Variants in VEGFC observed in about 807,000 individuals in gnomAD.
VEGFC encodes FLT4 ligand DHM.
In VEGFC, 12 loss-of-function variants were observed where a neutral mutation model predicts 46.1. That is an observed-to-expected ratio of 0.26 (90% CI 0.17 to 0.42). The LOEUF is 0.42. Ranked by LOEUF, VEGFC falls within the 10% of genes least tolerant of loss-of-function variation. The pLI, the probability that VEGFC is intolerant of heterozygous loss-of-function variation, is 1.00. For synonymous variants in VEGFC, 232 were observed against 195.5 expected, an observed-to-expected ratio of 1.19 and a Z score of -1.56; for missense variants, 488 against 529.4, an observed-to-expected ratio of 0.92 and a Z score of 0.77.
intron 4 of VEGFC, among the ~76,000 whole-genome samples, chr4:176,692,868 C>G (rs1734230940): frequency 6.8e-6 from 1 of 146,624 alleles, no homozygotes; most frequent in South Asian, 2.1e-4. Context: ...CAGGGGCACA[C>G]TGACACCTCA....
At chr4:176,786,282 C>T (rs1407762962) in intron 1 of VEGFC, among the ~76,000 whole-genome samples, 4 of 152,226 alleles carry the variant, frequency 2.6e-5, no homozygotes, top group Admixed American at 2.6e-4. Context: ...TTGGTTTTCA[C>T]ACTTCCCACC....
intron 3 of VEGFC, among the ~76,000 whole-genome samples, chr4:176,727,563 G>T (rs889092825): frequency 6.6e-6 from 1 of 152,106 alleles, no homozygotes; most frequent in African/African-American, 2.4e-5. Flanking sequence ...TGAAGAGTTT[G>T]CAAAGTAATA....
chr4:176,709,785 C>T (rs1447001924), intron 4 of VEGFC, among the ~76,000 whole-genome samples: 1 of 152,112 alleles, frequency 6.6e-6, no homozygotes, highest in Non-Finnish European at 1.5e-5. Context: ...TGAAACGATG[C>T]CTTTTAAAGC....
intron 4 of VEGFC, among the ~76,000 whole-genome samples, chr4:176,694,440 T>C (rs962437947): frequency 3.9e-5 from 6 of 151,964 alleles, no homozygotes; most frequent in Non-Finnish European, 5.9e-5. Flanking sequence ...CTATCCTAAA[T>C]ATATATGCAC....
intron 1 of VEGFC, among the ~76,000 whole-genome samples, chr4:176,740,388 CTA>C (rs1319226397): frequency 8.8e-6 from 1 of 114,108 alleles, no homozygotes; most frequent in Non-Finnish European, 1.7e-5. Context: ...TTATATATAA[CTA>C]TATATTTATA....
At chr4:176,776,669 C>A (rs1394177888) in intron 1 of VEGFC, among the ~76,000 whole-genome samples, 1 of 152,192 alleles carries the variant, frequency 6.6e-6, no homozygotes, top group Non-Finnish European at 1.5e-5. Context: ...TCATCACATC[C>A]TGATACTGAC....
At chr4:176,751,723 G>A (rs551651217) in intron 1 of VEGFC, among the ~76,000 whole-genome samples, 3 of 151,932 alleles carry the variant, frequency 2.0e-5, no homozygotes, top group Non-Finnish European at 4.4e-5. Flanking sequence ...TCAATGATAT[G>A]TGTAAACGTA....
At position 176,788,465 on chromosome 4, in the gene VEGFC, C is replaced by T. The variant is rs1374367283; in HGVS notation, c.147+3700G>A. On this transcript the variant is annotated intron_variant, in intron 1 of 6. Coordinates refer to ENST00000618562, the MANE Select transcript of VEGFC (RefSeq NM_005429.5). ...GCTGAAAGGAGTCTGAATCACAGGC[C>T]CAAAGGCCCAAACCCATTACCACAT... is the stretch of plus-strand genomic sequence containing the variant. Among the ~76,000 whole-genome samples, 24 of 152,148 alleles carry T rather than the reference C, an allele frequency of 1.6e-4. 1 individual carries two copies. Among genetic ancestry groups the T allele is most frequent in the Non-Finnish European group, 1.5e-5 (1 of 68,030 alleles).
At chr4:176,750,854 CA>C (rs1449885573) in intron 1 of VEGFC, among the ~76,000 whole-genome samples, 1 of 151,446 alleles carries the variant, frequency 6.6e-6, no homozygotes, top group Non-Finnish European at 1.5e-5. Flanking sequence ...ATAGATACTG[CA>C]AAAACTTTCT....
chr4:176,760,792 TC>T (rs1735515623), intron 1 of VEGFC, among the ~76,000 whole-genome samples: 2 of 152,198 alleles, frequency 1.3e-5, no homozygotes, highest in Admixed American at 1.3e-4. Flanking sequence ...ATATGCTGAC[TC>T]CAAAACAATG....
At position 176,687,387 on chromosome 4, in the gene VEGFC, G is replaced by A. The variant is rs985631564; in HGVS notation, c.945C>T (p.Cys315=). 1 of 1,614,150 alleles carries A rather than the reference G, an allele frequency of 6.2e-7. No homozygotes were observed. Residue 315 remains cysteine (C), a synonymous_variant, in exon 6 of 7, where the codon TGC becomes TGT. Transcript: ENST00000618562. ...GPHKELDRNS[C]QCVCKNKLFP... is the part of the protein sequence containing the mutation. Reference sequence around the variant, plus strand: ...AGAGTTTGTTTTTACAGACACACTGGCATGAGTTTCTGTCTAGTTCTTTGT... The same window carrying A: ...AGAGTTTGTTTTTACAGACACACTGACATGAGTTTCTGTCTAGTTCTTTGT...
chr4:176,710,482 T>C (rs929868998), intron 4 of VEGFC, among the ~76,000 whole-genome samples: 2 of 152,190 alleles, frequency 1.3e-5, no homozygotes, highest in Non-Finnish European at 2.9e-5. Flanking sequence ...AAACTGTCCC[T>C]GGACAAACAA....
rs1266184437 is a variant in VEGFC at position 176,695,111 on chromosome 4, G to A, written c.705-7184C>T. ...AAACACATTCAAAAGCTAGCAGAAG[G>A]CAAGAAATAACTAAAATCAGAGCAG... On this transcript the variant is annotated intron_variant, in intron 4 of 6. Coordinates refer to ENST00000618562, the MANE Select transcript of VEGFC (RefSeq NM_005429.5). Among the ~76,000 whole-genome samples the A allele has an allele frequency of 4.1e-5, 6 of 145,408 alleles. No individual in the cohort carries two copies. In the East Asian group the frequency reaches 1.2e-3, roughly 30 times the overall value.
chr4:176,756,344 T>C (rs1735432474), intron 1 of VEGFC, among the ~76,000 whole-genome samples: 3 of 151,886 alleles, frequency 2.0e-5, no homozygotes, highest in African/African-American at 7.3e-5. Context: ...TAGAATCAAT[T>C]AAGGAATAAA....
chr4:176,706,953 G>A (rs747750521), intron 4 of VEGFC, among the ~76,000 whole-genome samples: 11 of 152,050 alleles, frequency 7.2e-5, no homozygotes, highest in African/African-American at 2.4e-4. Flanking sequence ...GTACATTTGC[G>A]TCTTTTAAGG....
chr4:176,792,428 G>GC lies in VEGFC; in HGVS notation c.-118_-117insG, dbSNP rs1736116923. 2 of 814,900 alleles carry GC rather than the reference G, an allele frequency of 2.5e-6. No individual in the cohort carries two copies. Among genetic ancestry groups the GC allele is most frequent in the Non-Finnish European group, 1.7e-6 (1 of 580,622 alleles). 50.5% of individuals were successfully genotyped at this position (814,900 alleles called of 1,614,324 possible). ...CCCTCTCCCCCGGGCTCCTCCCGGC[G>GC]ACCCCCCCTGGGCGAGCCGGAGGCG... On this transcript the variant is annotated 5_prime_UTR_variant, in exon 1 of 7. Coordinates refer to ENST00000618562, the MANE Select transcript of VEGFC (RefSeq NM_005429.5). This position sits in a 1 kb window ranked among gnomAD's most constrained non-coding sequence, Gnocchi z 6.3.
chr4:176,694,522 T>C (rs1401025140), intron 4 of VEGFC, among the ~76,000 whole-genome samples: 3 of 151,596 alleles, frequency 2.0e-5, no homozygotes, highest in Non-Finnish European at 2.9e-5. Flanking sequence ...CTCCCACACA[T>C]TAATAATGGG....
At chr4:176,728,632 A>G (rs1352393128) in intron 2 of VEGFC, among the ~76,000 whole-genome samples, 1 of 152,120 alleles carries the variant, frequency 6.6e-6, no homozygotes, top group African/African-American at 2.4e-5. Flanking sequence ...TACCTATAAT[A>G]CTGTTGACTT....
intron 1 of VEGFC, among the ~76,000 whole-genome samples, chr4:176,746,817 A>G (rs759784595): frequency 1.3e-5 from 2 of 152,132 alleles, no homozygotes; most frequent in Non-Finnish European, 2.9e-5. Flanking sequence ...CACTAAATTT[A>G]TCAAAGGTCG....
Sources: allele counts gnomAD v4.1 joint callset (sites outside exome capture counted in the v4.1 genomes callset), GRCh38; gene constraint gnomAD v4.1.1; non-coding constraint Gnocchi (gnomAD v3.1); transcripts MANE v1.5; gene names NCBI Gene and HGNC (gene_info 2026-07-23, HGNC 2026-07-21).